The following UBE3D variants were observed in gnomAD, a reference collection of about 807,000 sequenced individuals.
UBE3D encodes E3 ubiquitin-protein ligase E3D.
A neutral mutation model predicts 49.6 loss-of-function variants in UBE3D; 48 were observed. The ratio of observed to expected loss-of-function variants is 0.97; its 90% CI spans 0.77 to 1.23. The LOEUF is 1.23. Ranked by LOEUF, UBE3D falls within the 50% of genes most tolerant of loss-of-function variation. The probability of loss-of-function intolerance (pLI) is 0.00; values close to 1 mark genes in which losing one functional copy is unlikely to be tolerated. For synonymous variants in UBE3D, 189 were observed against 174.2 expected (o/e 1.08, Z -0.67); for missense variants, 452 against 468.4 (o/e 0.96, Z 0.32).
intron 9 of UBE3D, chr6:82,924,803 T>G (rs1332884130): frequency 6.6e-6 from 1 of 152,190 alleles, no homozygotes; most frequent in South Asian, 2.1e-4. Context: ...ATGCATAGTA[T>G]TTATAGTAAA....
intron 8 of UBE3D, among the ~76,000 whole-genome samples, chr6:82,960,566 T>C (rs79081225): frequency 0.044 from 6,599 of 151,494 alleles, 465 homozygotes; most frequent in African/African-American, 0.15. Context: ...CATACTTATA[T>C]CACTTACATA....
intron 9 of UBE3D, among the ~76,000 whole-genome samples, chr6:82,895,151 G>T (rs932084833): frequency 6.6e-6 from 1 of 151,852 alleles, no homozygotes; most frequent in Non-Finnish European, 1.5e-5. Context: ...TCTCTACTAA[G>T]AATACAAAAA....
At chr6:83,008,519 A>G (rs1327533471) in intron 8 of UBE3D, among the ~76,000 whole-genome samples, 2 of 152,228 alleles carry the variant, frequency 1.3e-5, no homozygotes. Flanking sequence ...ATGAAAAACA[A>G]TACACTTCAA....
chr6:82,970,696 G>A (rs1777287975), intron 8 of UBE3D, among the ~76,000 whole-genome samples: 1 of 151,888 alleles, frequency 6.6e-6, no homozygotes, highest in Admixed American at 6.6e-5. Flanking sequence ...AAAATTAGCC[G>A]GGCGTGGTGG....
intron 8 of UBE3D, among the ~76,000 whole-genome samples, chr6:83,014,735 T>G (rs1420282527): frequency 6.6e-6 from 1 of 152,150 alleles, no homozygotes; most frequent in African/African-American, 2.4e-5. Context: ...GGACAAAGAT[T>G]CACAGCATAA....
At chr6:82,907,155 G>A (rs1198179245) in intron 9 of UBE3D, among the ~76,000 whole-genome samples, 1 of 152,276 alleles carries the variant, frequency 6.6e-6, no homozygotes, top group East Asian at 1.9e-4. Context: ...TTATAAAAGT[G>A]ACTCACTGCC....
In UBE3D at chr6:82,999,845, AC is replaced by A. The variant is rs1338187066; in HGVS notation, c.1010+19127del. ...TCATATCACCTCTCATTCACTGCTC[AC>A]CCATTCCACCCCAGCTCTCATCCCA... On this transcript the variant is annotated intron_variant, in intron 8 of 9. Transcript: ENST00000369747. Among the ~76,000 whole-genome samples, 3 of 152,020 alleles carry A rather than the reference AC, an allele frequency of 2.0e-5. No homozygotes were observed. The East Asian group carries it at 5.8e-4, about 29-fold the overall frequency.
intron 3 of UBE3D, among the ~76,000 whole-genome samples, chr6:83,047,368 T>C (rs1183217912): frequency 6.6e-6 from 1 of 152,176 alleles, no homozygotes; most frequent in Non-Finnish European, 1.5e-5. Context: ...CTGAATGCAG[T>C]TTCTTCTTGG....
At chr6:83,049,537 A>G (rs1783316861) in intron 3 of UBE3D, among the ~76,000 whole-genome samples, 1 of 152,184 alleles carries the variant, frequency 6.6e-6, no homozygotes, top group Non-Finnish European at 1.5e-5. Flanking sequence ...ATGTGACTGT[A>G]TTCTTGGGAG....
intron 8 of UBE3D, among the ~76,000 whole-genome samples, chr6:83,005,085 ACATCT>A (rs1186223685): frequency 6.6e-6 from 1 of 152,138 alleles, no homozygotes; most frequent in African/African-American, 2.4e-5. Flanking sequence ...TGCAAATCAT[ACATCT>A]CATAAGGGAT....
At chr6:83,043,327 A>C (rs1003226318) in intron 4 of UBE3D, among the ~76,000 whole-genome samples, 1 of 152,032 alleles carries the variant, frequency 6.6e-6, no homozygotes, top group South Asian at 2.1e-4. Flanking sequence ...AAGTATTAGT[A>C]TATATTTAGA....
chr6:83,052,373 C>T (rs1396601068), intron 3 of UBE3D, among the ~76,000 whole-genome samples: 1 of 152,128 alleles, frequency 6.6e-6, no homozygotes, highest in Non-Finnish European at 1.5e-5. Flanking sequence ...CTCCGAGAGC[C>T]TACAGTTTAA....
At chr6:82,943,390 AC>A (rs1208157015) in intron 9 of UBE3D, among the ~76,000 whole-genome samples, 1 of 152,160 alleles carries the variant, frequency 6.6e-6, no homozygotes, top group Admixed American at 6.5e-5. Context: ...TAATCCTAGC[AC>A]TTTTGAAGCT....
At chr6:82,888,893 T>C (rs1452800706), downstream of UBE3D, among the ~76,000 whole-genome samples, 1 of 152,242 alleles carries the variant, frequency 6.6e-6, no homozygotes, top group Non-Finnish European at 1.5e-5. Context: ...CCTCTTACTT[T>C]TTCTCCCAGA....
At chr6:82,972,143 C>T (rs935815770) in intron 8 of UBE3D, among the ~76,000 whole-genome samples, 3 of 152,150 alleles carry the variant, frequency 2.0e-5, no homozygotes, top group Non-Finnish European at 4.4e-5. Context: ...CACAGAGTTC[C>T]ATTCCTACCC....
At chr6:82,978,590 T>G (rs142545489) in intron 8 of UBE3D, among the ~76,000 whole-genome samples, 2 of 152,228 alleles carry the variant, frequency 1.3e-5, no homozygotes, top group Non-Finnish European at 2.9e-5. Flanking sequence ...ACCTAGCAGT[T>G]TGAGCTCCTG....
intron 8 of UBE3D, among the ~76,000 whole-genome samples, chr6:82,987,519 C>T (rs752802079): frequency 1.3e-5 from 2 of 152,154 alleles, no homozygotes; most frequent in African/African-American, 2.4e-5. Context: ...CAATGCTCAA[C>T]TATACTAGTA....
chr6:83,010,438 C>T (rs1780258070), intron 8 of UBE3D, among the ~76,000 whole-genome samples: 1 of 152,090 alleles, frequency 6.6e-6, no homozygotes, highest in African/African-American at 2.4e-5. Flanking sequence ...ATGCAATATA[C>T]ACTTGATTAA....
intron 8 of UBE3D, among the ~76,000 whole-genome samples, chr6:82,988,102 T>G (rs1778645910): frequency 6.6e-6 from 1 of 152,222 alleles, no homozygotes; most frequent in African/African-American, 2.4e-5. Context: ...GTCAATAGTC[T>G]CTAGTCTTCC....
Sources: allele counts gnomAD v4.1 joint callset (sites outside exome capture counted in the v4.1 genomes callset), GRCh38; gene constraint gnomAD v4.1.1; transcripts MANE v1.5; gene names NCBI Gene and HGNC (gene_info 2026-07-23, HGNC 2026-07-21).